Variants in GRIK4 observed in about 807,000 individuals in gnomAD.
The protein encoded by GRIK4 is glutamate ionotropic receptor kainate type subunit 4, also known as glutamate receptor ionotropic, kainate 4.
A neutral mutation model predicts 104.9 loss-of-function variants in GRIK4; 40 were observed. That is an observed-to-expected ratio of 0.38 (90% CI 0.30 to 0.50). The LOEUF (loss-of-function observed/expected upper bound fraction) is 0.50. Among genes scored for constraint, GRIK4 ranks in the 20% least tolerant of loss-of-function variants. The pLI is 0.93. For synonymous variants in GRIK4, 485 were observed against 524.9 expected (o/e 0.92, Z 1.04); for missense variants, 1,047 against 1,308.1 (o/e 0.80, Z 3.08).
intron 1 of GRIK4, among the ~76,000 whole-genome samples, chr11:120,597,708 CTGA>C (rs35342270): frequency 0.04 from 6,138 of 152,186 alleles, 423 homozygotes; most frequent in African/African-American, 0.14. Context: ...CCCGCTTTGT[CTGA>C]TTTCCTAATA....
At chr11:120,659,317 T>C (rs1949773350) in intron 2 of GRIK4, among the ~76,000 whole-genome samples, 1 of 152,124 alleles carries the variant, frequency 6.6e-6, no homozygotes, top group Non-Finnish European at 1.5e-5. Context: ...GTAGAGCAGA[T>C]GTGGAAAGCA....
At chr11:120,930,606 G>A (rs1208741214) in intron 13 of GRIK4, among the ~76,000 whole-genome samples, 2 of 152,246 alleles carry the variant, frequency 1.3e-5, no homozygotes, top group Non-Finnish European at 2.9e-5. Context: ...GGTGGCATGA[G>A]CATTGCCTTC....
intron 3 of GRIK4, among the ~76,000 whole-genome samples, chr11:120,668,149 A>AG (rs1949951419): frequency 6.6e-6 from 1 of 151,946 alleles, no homozygotes; most frequent in East Asian, 1.9e-4. Context: ...ATAGATAGAT[A>AG]AGTAGGTAGA....
chr11:120,520,121 G>A (rs1021241961), intron 1 of GRIK4, among the ~76,000 whole-genome samples: 3 of 151,992 alleles, frequency 2.0e-5, no homozygotes, highest in African/African-American at 4.8e-5. Flanking sequence ...TCAAACTCCC[G>A]GCCTCAGGTG....
chr11:120,671,760 GTTGCCATTGCTTT>G (rs1487451939), intron 3 of GRIK4, among the ~76,000 whole-genome samples: 1 of 152,172 alleles, frequency 6.6e-6, no homozygotes, highest in Non-Finnish European at 1.5e-5. Flanking sequence ...TTTGGCTTAT[GTTGCCATTGCTTT>G]TGGTGTTTTA....
At chr11:120,636,378 G>A (rs1331920396) in intron 1 of GRIK4, among the ~76,000 whole-genome samples, 1 of 152,210 alleles carries the variant, frequency 6.6e-6, no homozygotes, top group African/African-American at 2.4e-5. Flanking sequence ...GATATTTTCA[G>A]TTCCTAGGCA....
intron 3 of GRIK4, among the ~76,000 whole-genome samples, chr11:120,739,319 G>A (rs942770365): frequency 3.9e-5 from 6 of 152,192 alleles, no homozygotes; most frequent in Non-Finnish European, 8.8e-5. Context: ...CCACACAAAT[G>A]GGGCCAATCT....
intron 1 of GRIK4, among the ~76,000 whole-genome samples, chr11:120,562,595 T>C (rs1200768148): frequency 1.3e-5 from 2 of 152,098 alleles, no homozygotes; most frequent in African/African-American, 2.4e-5. Flanking sequence ...TGTGTTTGGG[T>C]CATGGCAAGC....
chr11:120,660,912 G>C (rs1363376949), intron 3 of GRIK4, among the ~76,000 whole-genome samples: 2 of 152,154 alleles, frequency 1.3e-5, no homozygotes, highest in East Asian at 3.9e-4. Flanking sequence ...GGGAGGGCAG[G>C]GTCATGTGAG....
intron 1 of GRIK4, among the ~76,000 whole-genome samples, chr11:120,651,981 A>G (rs1358260800): frequency 2.6e-5 from 4 of 152,218 alleles, no homozygotes; most frequent in Middle Eastern, 3.4e-3. Flanking sequence ...GGGTGTAGTG[A>G]GTGATGGGTG....
intron 3 of GRIK4, among the ~76,000 whole-genome samples, chr11:120,798,938 A>T (rs1952573521): frequency 6.6e-6 from 1 of 152,082 alleles, no homozygotes; most frequent in Non-Finnish European, 1.5e-5. Flanking sequence ...TCCACAGCAC[A>T]CTCTTGAATG....
intron 16 of GRIK4, among the ~76,000 whole-genome samples, chr11:120,958,315 T>G (rs377112531): frequency 1.3e-5 from 2 of 152,234 alleles, no homozygotes; most frequent in Non-Finnish European, 2.9e-5. Context: ...CTGCTTTAAA[T>G]GGCTGGCCCC....
intron 6 of GRIK4, among the ~76,000 whole-genome samples, chr11:120,824,546 T>TTATTTTTTTC (rs1325119280): frequency 0.039 from 5,806 of 149,156 alleles, 112 homozygotes; most frequent in Middle Eastern, 0.071. Context: ...TCTTTTTTTT[T>TTATTTTTTTC]TCTTTTCTTT....
At chr11:120,589,019 T>C (rs1369793791) in intron 1 of GRIK4, among the ~76,000 whole-genome samples, 1 of 152,170 alleles carries the variant, frequency 6.6e-6, no homozygotes, top group Non-Finnish European at 1.5e-5. Context: ...GAGCAGATGG[T>C]GCAGAGAGGC....
chr11:120,894,730 G>A (rs1942525683), intron 11 of GRIK4: 1 of 152,374 alleles, frequency 6.6e-6, no homozygotes. Context: ...GTGTCAGCAG[G>A]GTGGAGCAAA....
chr11:120,949,643 G>T (rs1943951338), intron 14 of GRIK4, among the ~76,000 whole-genome samples: 1 of 151,978 alleles, frequency 6.6e-6, no homozygotes. Context: ...TGCTGGCATT[G>T]GGGAGAAGGC....
At chr11:120,718,874 C>T (rs12363305) in intron 3 of GRIK4, among the ~76,000 whole-genome samples, 1,793 of 152,302 alleles carry the variant, frequency 0.012, 43 homozygotes, top group African/African-American at 0.041. Flanking sequence ...CCCTTGCTGA[C>T]TACAATCAGA....
At chr11:120,800,802 T>C (rs578257431) in intron 3 of GRIK4, among the ~76,000 whole-genome samples, 74 of 152,352 alleles carry the variant, frequency 4.9e-4, no homozygotes, top group African/African-American at 1.8e-3. Context: ...AAAGACAGCA[T>C]AGAACCTGGA....
intron 3 of GRIK4, among the ~76,000 whole-genome samples, chr11:120,781,148 T>C (rs1952148940): frequency 6.6e-6 from 1 of 151,490 alleles, no homozygotes; most frequent in East Asian, 1.9e-4. Flanking sequence ...TTTTTTTTTT[T>C]GGTTTGTTTG....
Sources: allele counts gnomAD v4.1 joint callset (sites outside exome capture counted in the v4.1 genomes callset), GRCh38; gene constraint gnomAD v4.1.1; transcripts MANE v1.5; gene names NCBI Gene and HGNC (gene_info 2026-07-23, HGNC 2026-07-21).